The following ZNF385D variants were observed in gnomAD, a reference collection of about 807,000 sequenced individuals.
ZNF385D encodes the protein zinc finger protein 385D.
ZNF385D carries 15 observed loss-of-function variants against 35.8 expected under a neutral mutation model. The observed-to-expected ratio is 0.42, with a 90% CI of 0.28 to 0.64. ZNF385D has a LOEUF of 0.64. Among genes scored for constraint, ZNF385D ranks in the 30% least tolerant of loss-of-function variants. The pLI, the probability that ZNF385D is intolerant of heterozygous loss-of-function variation, is 0.23. For synonymous variants in ZNF385D, 212 were observed against 186.8 expected (o/e 1.13, Z -1.10); for missense variants, 474 against 494.6 (o/e 0.96, Z 0.39).
At position 21,856,215 on chromosome 3, in the gene ZNF385D, G is replaced by A. The variant is rs373446657; in HGVS notation, c.326-191187C>T. 5.3e-5 allele frequency among the ~76,000 whole-genome samples: 8 copies of A among 151,886 alleles called. No individual in the cohort carries two copies. The South Asian group carries it at 1.0e-3, about 20-fold the overall frequency. The stretch of plus-strand genomic sequence containing the variant: ...GATCTCTCCTACTTCCTTGATCACC[G>A]GTCATTTCTTCACAGACTTCTTTGA... On this transcript the variant is annotated intron_variant, in intron 3 of 5. Coordinates refer to the ZNF385D transcript ENST00000494108.
chr3:22,173,862 G>GA (rs567372007), intron 2 of ZNF385D, among the ~76,000 whole-genome samples: 47 of 152,216 alleles, frequency 3.1e-4, no homozygotes, highest in Non-Finnish European at 4.6e-4. Flanking sequence ...GTTGAGGGTT[G>GA]AAAAATCCAA....
intron 3 of ZNF385D, among the ~76,000 whole-genome samples, chr3:21,972,675 A>G (rs1703337636): frequency 6.6e-6 from 1 of 151,156 alleles, no homozygotes; most frequent in Non-Finnish European, 1.5e-5. Flanking sequence ...GAAAGTTGAT[A>G]AGCTTTAACT....
At chr3:21,548,004 G>A (rs1254110187) in intron 3 of ZNF385D, among the ~76,000 whole-genome samples, 4 of 152,086 alleles carry the variant, frequency 2.6e-5, no homozygotes, top group Admixed American at 1.3e-4. Flanking sequence ...CTGTAACCTC[G>A]GGAAGTTTGT....
chr3:21,602,776 A>G (rs1163941256), intron 2 of ZNF385D, among the ~76,000 whole-genome samples: 4 of 147,336 alleles, frequency 2.7e-5, no homozygotes, highest in Admixed American at 6.7e-5. Context: ...CTCATGATCC[A>G]CCCGCCTCGG....
chr3:22,240,598 G>C (rs1407758542), intron 2 of ZNF385D, among the ~76,000 whole-genome samples: 1 of 150,970 alleles, frequency 6.6e-6, no homozygotes, highest in Non-Finnish European at 1.5e-5. Context: ...TGACCTTCCA[G>C]GGTAAGAAAG....
At chr3:21,696,045 C>T (rs527827268) in intron 1 of ZNF385D, among the ~76,000 whole-genome samples, 1 of 152,068 alleles carries the variant, frequency 6.6e-6, no homozygotes, top group Non-Finnish European at 1.5e-5. Flanking sequence ...AGGTCCAGAT[C>T]GGTAAATCAT....
At chr3:21,927,761 G>T (rs974436415) in intron 3 of ZNF385D, among the ~76,000 whole-genome samples, 3 of 152,102 alleles carry the variant, frequency 2.0e-5, no homozygotes, top group Non-Finnish European at 4.4e-5. Flanking sequence ...TAAACTAGGG[G>T]ACATTTTATT....
intron 3 of ZNF385D, among the ~76,000 whole-genome samples, chr3:22,010,697 C>T (rs1179043135): frequency 6.6e-6 from 1 of 152,178 alleles, no homozygotes; most frequent in Non-Finnish European, 1.5e-5. Flanking sequence ...AGACTCACCT[C>T]GCTCAGAGCC....
intron 3 of ZNF385D, among the ~76,000 whole-genome samples, chr3:22,090,765 C>A (rs1701288823): frequency 6.6e-6 from 1 of 152,140 alleles, no homozygotes. Flanking sequence ...ATTGACAACA[C>A]TGAATGTACG....
At chr3:21,525,226 A>G (rs534182634) in intron 3 of ZNF385D, among the ~76,000 whole-genome samples, 2 of 152,310 alleles carry the variant, frequency 1.3e-5, no homozygotes, top group African/African-American at 2.4e-5. Context: ...TGTTTTTTCA[A>G]TATTTTCAGA....
At chr3:21,956,528 C>A (rs9811419) in intron 3 of ZNF385D, among the ~76,000 whole-genome samples, 9 of 151,612 alleles carry the variant, frequency 5.9e-5, no homozygotes, top group African/African-American at 1.9e-4. Context: ...AAACTAAATA[C>A]TTTGCATTAT....
At chr3:21,533,668 G>T (rs973284450) in intron 3 of ZNF385D, among the ~76,000 whole-genome samples, 13 of 152,038 alleles carry the variant, frequency 8.6e-5, no homozygotes, top group African/African-American at 2.7e-4. Flanking sequence ...GATTAGAAAG[G>T]AAGAGACAGA....
intron 1 of ZNF385D, among the ~76,000 whole-genome samples, chr3:21,713,503 CCTCCTTCTCT>C: frequency 6.6e-6 from 1 of 151,748 alleles, no homozygotes; most frequent in Non-Finnish European, 1.5e-5. Context: ...GGTCTCCTTC[CCTCCTTCTCT>C]CTCCTAGCTT....
intron 3 of ZNF385D, among the ~76,000 whole-genome samples, chr3:22,028,898 T>C (rs371503362): frequency 1.1e-4 from 16 of 152,264 alleles, no homozygotes; most frequent in Admixed American, 5.9e-4. Flanking sequence ...CAAAGTTCTC[T>C]AGAAGACCAT....
intron 4 of ZNF385D, among the ~76,000 whole-genome samples, chr3:21,504,574 C>T (rs558816177): frequency 2.0e-5 from 3 of 152,188 alleles, no homozygotes; most frequent in South Asian, 4.1e-4. Flanking sequence ...AAGAGGCATG[C>T]CCTCTAGCAA....
chr3:21,567,510 C>T (rs2063191312), intron 2 of ZNF385D, among the ~76,000 whole-genome samples: 1 of 152,134 alleles, frequency 6.6e-6, no homozygotes, highest in Admixed American at 6.6e-5. Flanking sequence ...CATTCTATCA[C>T]ATCTATAAAA....
At chr3:22,294,786 T>A (rs186185465) in intron 2 of ZNF385D, among the ~76,000 whole-genome samples, 41 of 152,270 alleles carry the variant, frequency 2.7e-4, no homozygotes, top group Admixed American at 1.9e-3. Flanking sequence ...GCAATGTCAA[T>A]GCTTAGTGGA....
At chr3:21,783,643 C>T (rs1055495044) in intron 3 of ZNF385D, among the ~76,000 whole-genome samples, 7 of 152,190 alleles carry the variant, frequency 4.6e-5, no homozygotes, top group Admixed American at 1.3e-4. Context: ...GCAATTTCTC[C>T]GTCCTTGTTC....
intron 2 of ZNF385D, among the ~76,000 whole-genome samples, chr3:22,175,310 T>G (rs185577497): frequency 6.6e-5 from 10 of 152,172 alleles, no homozygotes; most frequent in African/African-American, 2.4e-4. Flanking sequence ...AAATCATGAA[T>G]AAGCATATAT....
Sources: allele counts gnomAD v4.1 joint callset (sites outside exome capture counted in the v4.1 genomes callset), GRCh38; gene constraint gnomAD v4.1.1; transcripts MANE v1.5; gene names NCBI Gene and HGNC (gene_info 2026-07-23, HGNC 2026-07-21).